DMP1: variants seen among roughly 807,000 people sequenced by gnomAD.
DMP1 encodes the protein dentin matrix acidic phosphoprotein 1, also known as dentin matrix protein 1.
Under a neutral mutation model 14.6 loss-of-function variants are expected in DMP1, and 20 were observed. That is an observed-to-expected ratio of 1.37 (90% CI 0.96 to 1.99). DMP1 has a LOEUF of 1.99. Among genes scored for constraint, DMP1 ranks in the 30% most tolerant of loss-of-function variants. DMP1 has a pLI of 0.00. For missense variants in DMP1, 567 were observed against 620.5 expected (o/e 0.91, Z 0.92); for synonymous variants, 197 against 215.3 (o/e 0.91, Z 0.75).
chr4:87,653,396 T>C (rs1361758446), intron 1 of DMP1, among the ~76,000 whole-genome samples: 1 of 53,548 alleles, frequency 1.9e-5, no homozygotes, highest in Non-Finnish European at 3.7e-5. Context: ...GATATATATA[T>C]ATATATATAT....
At chr4:87,653,396 T>A (rs1361758446) in intron 1 of DMP1, among the ~76,000 whole-genome samples, 1 of 53,548 alleles carries the variant, frequency 1.9e-5, no homozygotes, top group Admixed American at 1.5e-4. Flanking sequence ...GATATATATA[T>A]ATATATATAT....
At position 87,650,402 on chromosome 4, in the gene DMP1, T is replaced by C. The variant is rs570513659; in HGVS notation, c.-22+18T>C. ...TACGGAGGGTAAGTCATTTTCATCA[T>C]TTAATTTTTTAAAATGACTTTTGCT... is the stretch of plus-strand genomic sequence containing the variant. On this transcript the variant is annotated intron_variant, in intron 1 of 5. Transcript: ENST00000339673. 15 of 152,382 alleles carry C rather than the reference T, an allele frequency of 9.8e-5. No individual in the cohort carries two copies. Among genetic ancestry groups the C allele is most frequent in the Admixed American group, 8.5e-4 (13 of 15,300 alleles). 9.4% of individuals were successfully genotyped at this position (152,382 alleles called of 1,614,324 possible).
Position 87,662,597 on chromosome 4 carries a change from C to G in DMP1, c.819C>G (p.Ile273Met), listed in dbSNP as rs968385548. The G allele has an allele frequency of 6.2e-7, 1 of 1,614,000 alleles. No homozygotes were observed. The highest frequency in any genetic ancestry group is 8.5e-7 in the Non-Finnish European group (1 of 1,180,044). Residue 273 changes from isoleucine (I) to methionine (M), a missense_variant, in exon 6 of 6, where the codon ATC becomes ATG. Ile to Met is a conservative substitution (Grantham distance 10, BLOSUM62 1). Transcript: ENST00000339673. ...GGAAAATTTTTAGGAAGTCTCGCAT[C>G]TCAGAGGAAGATGACAGAAGCGAGC... is the stretch of plus-strand genomic sequence containing the variant. ...PSRKIFRKSR[I>M]SEEDDRSELD...
chr4:87,652,565 C>T (rs771921552), intron 1 of DMP1, among the ~76,000 whole-genome samples: 6 of 152,072 alleles, frequency 3.9e-5, no homozygotes, highest in Non-Finnish European at 8.8e-5. Context: ...AGGATGCTAA[C>T]GAGTATTTCT....
At position 87,658,266 on chromosome 4, in the gene DMP1, C is replaced by A. The variant is rs187852033; in HGVS notation, c.103-954C>A. Among the ~76,000 whole-genome samples, 20 of 152,340 alleles carry A rather than the reference C, an allele frequency of 1.3e-4. No homozygotes were observed. The East Asian group carries it at 3.3e-3, about 25-fold the overall frequency. On this transcript the variant is annotated intron_variant, in intron 3 of 5. Coordinates refer to ENST00000339673, the MANE Select transcript of DMP1 (RefSeq NM_004407.4). ...CCCAGTCCAGCACCTCTGAAACGCA[C>A]GTTGAAGACATGTCAATAGCAGCTC... is the stretch of plus-strand genomic sequence containing the variant.
Position 87,663,587 on chromosome 4 carries a change from C to T in DMP1, c.*267C>T, listed in dbSNP as rs1578157013. The T allele has an allele frequency of 1.9e-6, 1 of 512,848 alleles. No individual in the cohort carries two copies. Among genetic ancestry groups the T allele is most frequent in the Non-Finnish European group, 3.5e-6 (1 of 284,940 alleles). The allele number at this position is 512,848 out of a possible 1,614,324, so 31.8% of individuals were successfully genotyped here. ...TGATAACTTTGCAGCTGAGATAGTT[C>T]CTAATTCATCAACGTAACAAACAAA... On this transcript the variant is annotated 3_prime_UTR_variant, in exon 6 of 6. Coordinates refer to ENST00000339673, the MANE Select transcript of DMP1 (RefSeq NM_004407.4).
At chr4:87,659,396 A>G (rs1315198742) in intron 4 of DMP1, 35 bp from the exon 5 acceptor site, 1 of 1,610,808 alleles carries the variant, frequency 6.2e-7, no homozygotes, top group Non-Finnish European at 8.5e-7. Flanking sequence ...CTAAGGAATT[A>G]CTAAAAAGAA....
At chr4:87,657,268 T>C in intron 3 of DMP1, 189 bp downstream of exon 3, 1 of 489,212 alleles carries the variant, frequency 2.0e-6, no homozygotes, top group Non-Finnish European at 3.7e-6. Flanking sequence ...CAAGGAAGCA[T>C]ATTTTCTGTT....
rs146762807 is a variant in DMP1 at position 87,663,280 on chromosome 4, T to C, written c.1502T>C (p.Ile501Thr). ...GTTGATGCCTATCACAACAAACCCATTGGGGACCAAGATGACAATGACTGC... is the reference window on the plus strand; with the variant it reads ...GTTGATGCCTATCACAACAAACCCACTGGGGACCAAGATGACAATGACTGC... ...LTVDAYHNKP[I>T]GDQDDNDCQD... Residue 501 changes from isoleucine to threonine, a missense_variant, in exon 6 of 6, where the codon ATT becomes ACT. Ile to Thr is a moderately conservative substitution (Grantham distance 89). Transcript: ENST00000339673. 149 of 1,614,212 alleles carry C rather than the reference T, an allele frequency of 9.2e-5. No homozygotes were observed. The highest frequency in any genetic ancestry group is 6.7e-4 in the African/African-American group (50 of 75,052).
At chr4:87,655,580 C>T (rs1001356905) in intron 1 of DMP1, among the ~76,000 whole-genome samples, 4 of 151,930 alleles carry the variant, frequency 2.6e-5, no homozygotes, top group East Asian at 1.9e-4. Context: ...CCTACTCTAG[C>T]GCATCTCTTG....
intron 4 of DMP1, 77 bp downstream of exon 4, chr4:87,659,329 T>G (rs1728790964): frequency 1.2e-6 from 2 of 1,600,396 alleles, no homozygotes; most frequent in African/African-American, 2.7e-5. Context: ...TTTTACAATT[T>G]TGAAAGTAGT....
intron 1 of DMP1, among the ~76,000 whole-genome samples, chr4:87,653,614 G>A (rs1041587507): frequency 6.6e-6 from 1 of 151,204 alleles, no homozygotes; most frequent in African/African-American, 2.4e-5. Context: ...TTAATTCTTA[G>A]ATCAAGTGTT....
intron 1 of DMP1, among the ~76,000 whole-genome samples, chr4:87,655,894 G>A (rs768020335): frequency 5.3e-5 from 8 of 152,078 alleles, no homozygotes; most frequent in East Asian, 1.9e-4. Flanking sequence ...ATGTGTTAGC[G>A]TTTGTACATC....
Position 87,662,883 on chromosome 4 carries a change from G to A in DMP1, c.1105G>A (p.Asp369Asn), listed in dbSNP as rs540873212. 8 of 1,614,142 alleles carry A rather than the reference G, an allele frequency of 5.0e-6. No individual in the cohort carries two copies. The highest frequency in any genetic ancestry group is 3.3e-5 in the South Asian group (3 of 91,078). ...GAGTGAGTCCAGGGGAGATAACCCC[G>A]ACCCCACAACTAGTTATGTAGAAGA... ...VVSESRGDNP[D>N]PTTSYVEDQE... Residue 369 changes from aspartate to asparagine, a missense_variant, in exon 6 of 6, where the codon GAC (aspartate) becomes AAC (asparagine). Physicochemically the swap from Asp to Asn is conservative, Grantham distance 23. Transcript: ENST00000339673.
At position 87,662,664 on chromosome 4, in the gene DMP1, A is replaced by T. The variant is rs1026084304; in HGVS notation, c.886A>T (p.Thr296Ser). ...NTMEEVKSDSTENSNSRDTGL... is the reference protein window; with the variant it reads ...NTMEEVKSDSSENSNSRDTGL... Reference sequence around the variant, plus strand: ...AATGGAAGAAGTCAAGAGTGACTCTACAGAAAACAGCAACTCCAGAGACAC... The same window carrying T: ...AATGGAAGAAGTCAAGAGTGACTCTTCAGAAAACAGCAACTCCAGAGACAC... The change falls in exon 6 of 6, where the codon ACA (threonine) becomes TCA (serine). Residue 296 changes from threonine to serine, a missense_variant. Transcript: ENST00000339673. 1 of 1,614,170 alleles carries T rather than the reference A, an allele frequency of 6.2e-7. No homozygotes were observed. The highest frequency in any genetic ancestry group is 8.5e-7 in the Non-Finnish European group (1 of 1,180,036).
Position 87,663,086 on chromosome 4 carries a change from C to G in DMP1, c.1308C>G (p.His436Gln), listed in dbSNP as rs144902740. The G allele has an allele frequency of 1.2e-6, 2 of 1,614,198 alleles. No individual in the cohort carries two copies. The highest frequency in any genetic ancestry group is 1.7e-6 in the Non-Finnish European group (2 of 1,180,026). The stretch of plus-strand genomic sequence containing the variant: ...CCAGCCAGGAGGGCCTCCAGTCTCA[C>G]AGCAGCTCAGCAGAGAGTCAGAGCG... ...NSSSQEGLQSHSSSAESQSEE... is the reference protein window; with the variant it reads ...NSSSQEGLQSQSSSAESQSEE... Residue 436 changes from histidine to glutamine, a missense_variant, in exon 6 of 6, where the codon CAC becomes CAG. By Grantham distance (24) the His-to-Gln change is conservative. Coordinates refer to ENST00000339673, the MANE Select transcript of DMP1 (RefSeq NM_004407.4).
chr4:87,653,386 GATAT>G (rs57266829), intron 1 of DMP1, among the ~76,000 whole-genome samples: 3,069 of 57,452 alleles, frequency 0.053, 77 homozygotes, highest in Non-Finnish European at 0.069. Flanking sequence ...ATTATCGAGT[GATAT>G]ATATATATAT....
intron 3 of DMP1, among the ~76,000 whole-genome samples, chr4:87,658,465 T>C (rs1270807664): frequency 6.6e-6 from 1 of 152,240 alleles, no homozygotes; most frequent in Non-Finnish European, 1.5e-5. Context: ...ATTTCTGATT[T>C]AGCATTTGTT....
rs568387797 is a variant in DMP1, at chr4:87,664,214, C to T, written c.*894C>T. 1 of 152,388 alleles carries T rather than the reference C, an allele frequency of 6.6e-6. No homozygotes were observed. Among genetic ancestry groups the T allele is most frequent in the Non-Finnish European group, 1.5e-5 (1 of 67,946 alleles). The allele number at this position is 152,388 out of a possible 1,614,324, so 9.4% of individuals were successfully genotyped here. On this transcript the variant is annotated 3_prime_UTR_variant, in exon 6 of 6. Transcript: ENST00000339673. Reference sequence around the variant, plus strand: ...ATTTTTTCTAAAATCAGTTTGCGTGCAATGCTAGAAAAAAACTGTTCTCTG... The same window carrying T: ...ATTTTTTCTAAAATCAGTTTGCGTGTAATGCTAGAAAAAAACTGTTCTCTG...
Sources: allele counts gnomAD v4.1 joint callset (sites outside exome capture counted in the v4.1 genomes callset), GRCh38; gene constraint gnomAD v4.1.1; transcripts MANE v1.5; gene names NCBI Gene and HGNC (gene_info 2026-07-23, HGNC 2026-07-21).